Variants in RGMA observed in about 807,000 individuals in gnomAD.
RGMA encodes the protein repulsive guidance molecule A.
Under a neutral mutation model 23.2 loss-of-function variants are expected in RGMA, and 10 were observed. The ratio of observed to expected loss-of-function variants is 0.43; its 90% CI spans 0.27 to 0.73. The LOEUF (loss-of-function observed/expected upper bound fraction) is 0.73. Among genes scored for constraint, RGMA ranks in the 30% least tolerant of loss-of-function variants. RGMA has a pLI of 0.20. For synonymous variants in RGMA, 308 were observed against 279.3 expected, an observed-to-expected ratio of 1.10 and a Z score of -1.03; for missense variants, 547 against 630.5, an observed-to-expected ratio of 0.87 and a Z score of 1.42.
chr15:93,065,596 G>A (rs959616200), intron 2 of RGMA: 8 of 786,224 alleles, frequency 1.0e-5, no homozygotes, highest in Non-Finnish European at 1.7e-5. Flanking sequence ...ACTCCAGGAT[G>A]GTGGTGGCGG....
intron 1 of RGMA, chr15:93,073,233 G>GTT: frequency 8.9e-7 from 1 of 1,118,082 alleles, no homozygotes; most frequent in East Asian, 4.0e-5. Context: ...TGTCGACGCG[G>GTT]CCCCGCGCCC....
intron 2 of RGMA, among the ~76,000 whole-genome samples, chr15:93,068,235 A>C (rs2141834991): frequency 6.6e-6 from 1 of 152,272 alleles, no homozygotes; most frequent in East Asian, 1.9e-4. Context: ...AGGCTGGTTG[A>C]ATTTTTGCCA....
chr15:93,075,407 G>A (rs1210762290), intron 1 of RGMA, among the ~76,000 whole-genome samples: 7 of 151,982 alleles, frequency 4.6e-5, no homozygotes, highest in African/African-American at 9.7e-5. Flanking sequence ...AGAACCCGTC[G>A]TCCACACTGC....
rs2054777006 is a variant in RGMA, at chr15:93,044,345, C to T, written c.*653G>A. ...CTGAGCAGGTGCCTGAAAACCGGGA[C>T]CTGCACTGGTACCCACAGCAGCCAG... On this transcript the variant is annotated 3_prime_UTR_variant, in exon 4 of 4. Transcript: ENST00000329082. 6.5e-6 allele frequency: 1 copy of T among 152,974 alleles called. No homozygotes were observed. The highest frequency in any genetic ancestry group is 2.1e-4 in the South Asian group (1 of 4,844). 9.5% of individuals were successfully genotyped at this position (152,974 alleles called of 1,614,324 possible).
At chr15:93,079,950 C>T (rs1415945481) in intron 1 of RGMA, among the ~76,000 whole-genome samples, 1 of 152,176 alleles carries the variant, frequency 6.6e-6, no homozygotes, top group Non-Finnish European at 1.5e-5. Flanking sequence ...TTGCTGCCAT[C>T]TTCATTATCT....
chr15:93,066,602 C>T (rs977625723), intron 2 of RGMA: 17 of 455,672 alleles, frequency 3.7e-5, no homozygotes, highest in Non-Finnish European at 4.7e-5. Flanking sequence ...CCCCGGGCAT[C>T]GTCGCCGTGG....
intron 1 of RGMA, among the ~76,000 whole-genome samples, chr15:93,076,128 G>A (rs565037774): frequency 6.6e-6 from 1 of 152,192 alleles, no homozygotes; most frequent in Non-Finnish European, 1.5e-5. Context: ...CAGCCCCATA[G>A]AGTCTAACCA....
intron 2 of RGMA, among the ~76,000 whole-genome samples, chr15:93,063,721 G>A (rs956436447): frequency 6.6e-6 from 1 of 152,208 alleles, no homozygotes; most frequent in East Asian, 1.9e-4. Flanking sequence ...AGGAACCTGT[G>A]ACTCCAATGT....
chr15:93,073,601 G>A, intron 1 of RGMA: 2 of 1,535,784 alleles, frequency 1.3e-6, no homozygotes. Flanking sequence ...TTCCACCGAC[G>A]CCCCCTGGCT....
intron 2 of RGMA, chr15:93,065,769 A>G: frequency 8.9e-7 from 1 of 1,128,064 alleles, no homozygotes; most frequent in Non-Finnish European, 1.3e-6. Context: ...CACCGTCCCC[A>G]CCTTCCGTGG....
Position 93,043,526 on chromosome 15 carries a change from C to T in RGMA, c.*1472G>A, listed in dbSNP as rs887324454. ...CAGACACGTGGACGCAGTGAGGGGT[C>T]CCCACTTCCAAGCAGAACGTGAGCA... On this transcript the variant is annotated 3_prime_UTR_variant, in exon 4 of 4. Transcript: ENST00000329082. The T allele has an allele frequency of 2.6e-5, 4 of 152,472 alleles. No individual in the cohort carries two copies. The highest frequency in any genetic ancestry group is 9.7e-5 in the African/African-American group (4 of 41,438). 9.4% of individuals were successfully genotyped at this position (152,472 alleles called of 1,614,324 possible).
chr15:93,045,184 G>A lies in RGMA; in HGVS notation c.1167C>T (p.Asn389=). 1 of 1,609,574 alleles carries A rather than the reference G, an allele frequency of 6.2e-7. No individual in the cohort carries two copies. The highest frequency in any genetic ancestry group is 8.5e-7 in the Non-Finnish European group (1 of 1,178,022). ...ACGCGTAGTAGGCGGCCAGTGTGAAGTTCACGTCGCCCGTGGTGAGGAGGT... is the reference window on the plus strand; with the variant it reads ...ACGCGTAGTAGGCGGCCAGTGTGAAATTCACGTCGCCCGTGGTGAGGAGGT... The part of the protein sequence containing the change: ...VFDLLTTGDV[N]FTLAAYYALE... The change falls in exon 4 of 4, where the codon AAC becomes AAT. Residue 389 remains asparagine (N), a synonymous_variant. Transcript: ENST00000329082. This position sits in a 1 kb window ranked among gnomAD's most constrained non-coding sequence, Gnocchi z 6.9.
intron 1 of RGMA, among the ~76,000 whole-genome samples, chr15:93,076,505 C>G (rs1895475416): frequency 1.3e-5 from 2 of 152,138 alleles, no homozygotes; most frequent in South Asian, 2.1e-4. Context: ...AGAAATAAGA[C>G]AGTCCCTATT....
In RGMA at chr15:93,044,412, C is replaced by T. The variant is rs909079239; in HGVS notation, c.*586G>A. ...AGGCCACAGGCCAGAAGGCACCAGG[C>T]GGGCACGACCTACTGGCCAAAAGGT... is the stretch of plus-strand genomic sequence containing the variant. On this transcript the variant is annotated 3_prime_UTR_variant, in exon 4 of 4. Transcript: ENST00000329082. 1.9e-5 allele frequency: 3 copies of T among 154,294 alleles called. No individual in the cohort carries two copies. Among genetic ancestry groups the T allele is most frequent in the Non-Finnish European group, 2.9e-5 (2 of 69,532 alleles). 9.6% of individuals were successfully genotyped at this position (154,294 alleles called of 1,614,324 possible).
intron 2 of RGMA, among the ~76,000 whole-genome samples, chr15:93,058,445 C>T (rs1353674404): frequency 1.3e-5 from 2 of 152,206 alleles, no homozygotes; most frequent in African/African-American, 2.4e-5. Context: ...CCGGGAGACT[C>T]GGGAAGGAAG....
intron 3 of RGMA, among the ~76,000 whole-genome samples, chr15:93,048,576 C>G (rs893394898): frequency 6.6e-6 from 1 of 152,264 alleles, no homozygotes; most frequent in East Asian, 1.9e-4. Flanking sequence ...CCGCAGGACA[C>G]GGCACACTTC....
chr15:93,073,114 G>A, intron 1 of RGMA, 83 bp from the exon 2 acceptor site: 3 of 1,377,442 alleles, frequency 2.2e-6, no homozygotes, highest in Non-Finnish European at 2.8e-6. Context: ...CGGGAGCAGC[G>A]AGCCGGGAGG....
chr15:93,063,573 T>C (rs1895041765), intron 2 of RGMA, among the ~76,000 whole-genome samples: 1 of 152,216 alleles, frequency 6.6e-6, no homozygotes, highest in South Asian at 2.1e-4. Context: ...TGGCATCAGA[T>C]ACCGAAAGGA....
chr15:93,073,274 G>C (rs982239048), intron 1 of RGMA: 3 of 898,944 alleles, frequency 3.3e-6, no homozygotes, highest in Non-Finnish European at 4.2e-6. Context: ...CCTCGCGCTC[G>C]GGTTTCAGCG....
Sources: gnomAD v4.1 joint callset for allele counts (sites outside exome capture counted in the v4.1 genomes callset) on GRCh38, gnomAD v4.1.1 for gene constraint, Gnocchi (gnomAD v3.1) non-coding constraint, MANE v1.5 for transcripts, NCBI Gene and HGNC (gene_info 2026-07-23, HGNC 2026-07-21) for gene names.